The following ZNF138 variants were observed in gnomAD, a reference collection of about 807,000 sequenced individuals.
ZNF138 encodes zinc finger protein 138.
In ZNF138, 33 loss-of-function variants were observed where a neutral mutation model predicts 33.0. The ratio of observed to expected loss-of-function variants is 1.00; its 90% CI spans 0.76 to 1.34. The LOEUF (loss-of-function observed/expected upper bound fraction) is 1.34. Ranked by LOEUF, ZNF138 falls within the 40% of genes most tolerant of loss-of-function variation. The pLI is 0.00. For synonymous variants in ZNF138, 139 were observed against 120.4 expected (o/e 1.15, Z -1.01); for missense variants, 360 against 370.8 (o/e 0.97, Z 0.24).
At chr7:64,859,285 A>G in the ZNF138 span, among the ~76,000 whole-genome samples, 2 of 152,150 alleles carry the variant, frequency 1.3e-5, no homozygotes, top group African/African-American at 4.8e-5. Context: ...GTATTTTATT[A>G]GTTATTATTG....
intron 1 of ZNF138, among the ~76,000 whole-genome samples, chr7:64,797,203 T>C (rs1212242750): frequency 6.6e-6 from 1 of 152,096 alleles, no homozygotes; most frequent in Non-Finnish European, 1.5e-5. Context: ...TCTTGATTTC[T>C]GAGGTTAATG....
chr7:64,833,937 G>A (rs1035679925), downstream of ZNF138, among the ~76,000 whole-genome samples: 6 of 152,246 alleles, frequency 3.9e-5, no homozygotes, highest in Admixed American at 3.9e-4. Flanking sequence ...TGTTGGCCAG[G>A]CTCATCTCGA....
intron 3 of ZNF138, among the ~76,000 whole-genome samples, chr7:64,823,434 C>G (rs1428764313): frequency 2.0e-5 from 3 of 152,028 alleles, no homozygotes; most frequent in Non-Finnish European, 4.4e-5. Context: ...CTCCTGGGCT[C>G]AAGTGATCCT....
At chr7:64,825,684 T>C (rs1789548012) in intron 3 of ZNF138, among the ~76,000 whole-genome samples, 1 of 151,662 alleles carries the variant, frequency 6.6e-6, no homozygotes. Context: ...GGACTACAGG[T>C]GCTTGCTGCC....
chr7:64,823,815 G>A (rs1341894769), intron 3 of ZNF138, among the ~76,000 whole-genome samples: 2 of 152,304 alleles, frequency 1.3e-5, no homozygotes, highest in East Asian at 1.9e-4. Context: ...GCACGCGCCT[G>A]TAGTCCCAGC....
chr7:64,831,156 C>T (rs538574543), intron 3 of ZNF138: 175 of 1,501,492 alleles, frequency 1.2e-4, no homozygotes, highest in Admixed American at 3.1e-4. Context: ...TATGTTATAT[C>T]GGGGAACAGA....
intron 1 of ZNF138, among the ~76,000 whole-genome samples, chr7:64,813,159 T>C (rs976989911): frequency 3.9e-5 from 6 of 152,154 alleles, no homozygotes; most frequent in African/African-American, 1.4e-4. Context: ...TGGAAAGATG[T>C]GAATACTCAA....
At chr7:64,802,042 G>A (rs928143833) in intron 1 of ZNF138, among the ~76,000 whole-genome samples, 1 of 152,200 alleles carries the variant, frequency 6.6e-6, no homozygotes, top group African/African-American at 2.4e-5. Flanking sequence ...TCAGGCCAAG[G>A]TGGTCGGGTT....
intron 3 of ZNF138, among the ~76,000 whole-genome samples, chr7:64,824,781 A>G (rs1158444212): frequency 6.6e-6 from 1 of 152,040 alleles, no homozygotes; most frequent in Non-Finnish European, 1.5e-5. Flanking sequence ...TGACTTCCTC[A>G]CGCAATTGTG....
At chr7:64,821,475 G>A (rs1004044317) in intron 3 of ZNF138, among the ~76,000 whole-genome samples, 8 of 151,452 alleles carry the variant, frequency 5.3e-5, no homozygotes, top group Non-Finnish European at 1.2e-4. Context: ...TTCCATTTGT[G>A]TATCATTTTT....
chr7:64,840,711 T>TGAGTTAAACATTTAAAATTCTGA, the ZNF138 span, among the ~76,000 whole-genome samples: 1 of 109,236 alleles, frequency 9.2e-6, no homozygotes, highest in Non-Finnish European at 1.9e-5. Context: ...TTCTGAGTTC[T>TGAGTTAAACATTTAAAATTCTGA]GCTTAAACAT....
Position 64,831,655 on chromosome 7 carries a change from T to C in ZNF138, c.413T>C (p.Ile138Thr). 6.2e-7 allele frequency: 1 copy of C among 1,608,814 alleles called. No homozygotes were observed. The highest frequency in any genetic ancestry group is 8.5e-7 in the Non-Finnish European group (1 of 1,177,996). The change falls in exon 4 of 4, where the codon ATA becomes ACA. Residue 138 changes from isoleucine to threonine, a missense_variant. Coordinates refer to ENST00000307355, the MANE Select transcript of ZNF138 (RefSeq NM_001271639.2). The stretch of plus-strand genomic sequence containing the variant: ...TGTTTGAAAATTACCACAAGCAAAA[T>C]ATTTCAATGTAATAAATATGTAAAA... ...NQCLKITTSK[I>T]FQCNKYVKVM...
chr7:64,811,843 T>C (rs144370528), intron 1 of ZNF138, among the ~76,000 whole-genome samples: 9 of 152,318 alleles, frequency 5.9e-5, no homozygotes, highest in African/African-American at 1.7e-4. Flanking sequence ...AGGAGACTTG[T>C]TTAAAACTCC....
chr7:64,801,734 T>C (rs1787152504), intron 1 of ZNF138, among the ~76,000 whole-genome samples: 1 of 152,230 alleles, frequency 6.6e-6, no homozygotes, highest in African/African-American at 2.4e-5. Context: ...ATAATGTGTC[T>C]AATAGTGTCT....
chr7:64,831,179 G>T, intron 3 of ZNF138: 1 of 1,446,422 alleles, frequency 6.9e-7, no homozygotes. Context: ...GAGCTGTGTT[G>T]GGTAAATGTA....
intron 3 of ZNF138, among the ~76,000 whole-genome samples, chr7:64,820,401 G>A (rs532282843): frequency 6.6e-6 from 1 of 151,622 alleles, no homozygotes; most frequent in Non-Finnish European, 1.5e-5. Flanking sequence ...TCCATTTTGT[G>A]TATATGTTAC....
the ZNF138 span, among the ~76,000 whole-genome samples, chr7:64,847,334 T>TATATATATA: frequency 0.03 from 2,771 of 93,180 alleles, 35 homozygotes; most frequent in South Asian, 0.11. Context: ...ATATATATAT[T>TATATATATA]TTTTTTTTTT....
chr7:64,839,037 T>G, the ZNF138 span, among the ~76,000 whole-genome samples: 1 of 152,124 alleles, frequency 6.6e-6, no homozygotes, highest in South Asian at 2.1e-4. Context: ...GAGGGACTTG[T>G]GCCAGCGAAA....
At chr7:64,811,138 A>T (rs1788146338) in intron 1 of ZNF138, among the ~76,000 whole-genome samples, 1 of 152,158 alleles carries the variant, frequency 6.6e-6, no homozygotes, top group African/African-American at 2.4e-5. Flanking sequence ...TTTTAAAAAA[A>T]TCAGTGACAG....
Sources: allele counts gnomAD v4.1 joint callset (sites outside exome capture counted in the v4.1 genomes callset), GRCh38; gene constraint gnomAD v4.1.1; transcripts MANE v1.5; gene names NCBI Gene and HGNC (gene_info 2026-07-23, HGNC 2026-07-21).